Variants in SLC5A3 observed in about 807,000 individuals in gnomAD.
The protein encoded by SLC5A3 is sodium/myo-inositol cotransporter.
Under a neutral mutation model 43.2 loss-of-function variants are expected in SLC5A3, and 10 were observed. That is an observed-to-expected ratio of 0.23 (90% CI 0.14 to 0.39). SLC5A3 has a LOEUF of 0.39. Among genes scored for constraint, SLC5A3 ranks in the 10% least tolerant of loss-of-function variants. The pLI is 1.00. For missense variants in SLC5A3, 608 were observed against 893.4 expected (o/e 0.68, Z 4.07); for synonymous variants, 349 against 322.0 (o/e 1.08, Z -0.90).
rs1979429942 is a variant in SLC5A3 at position 34,105,334 on chromosome 21, C to A, written c.*7979C>A. ...TTTTTCTTTTTGATAAGATGGATAT[C>A]AAAAATAGTTGCTGTGCAAAAGTTA... On this transcript the variant is annotated 3_prime_UTR_variant, in exon 2 of 2. Coordinates refer to ENST00000381151, the MANE Select transcript of SLC5A3 (RefSeq NM_006933.7). 1 of 999,560 alleles carries A rather than the reference C, an allele frequency of 1.0e-6. No homozygotes were observed. Among genetic ancestry groups the A allele is most frequent in the Non-Finnish European group, 1.2e-6 (1 of 829,500 alleles). The allele number at this position is 999,560 out of a possible 1,614,324, so 61.9% of individuals were successfully genotyped here.
Position 34,105,599 on chromosome 21 carries a change from G to A in SLC5A3, c.*8244G>A, listed in dbSNP as rs1979441471. On this transcript the variant is annotated 3_prime_UTR_variant, in exon 2 of 2. Transcript: ENST00000381151. ...TGTAAGAGACCAGTTAGTACACTGG[G>A]GGTGTATATTGTGTACATGTGTCAT... 3.0e-6 allele frequency: 3 copies of A among 999,800 alleles called. No individual in the cohort carries two copies. The highest frequency in any genetic ancestry group is 6.1e-5 in the Admixed American group (1 of 16,262). 61.9% of individuals were successfully genotyped at this position (999,800 alleles called of 1,614,324 possible). A position where few individuals can be genotyped will look rare whatever the true frequency, so the allele number is the denominator to read the frequency against.
Position 34,095,484 on chromosome 21 carries a change from G to C in SLC5A3, c.286G>C (p.Val96Leu), listed in dbSNP as rs1978925346. Residue 96 changes from valine to leucine, a missense_variant, in exon 2 of 2, where the codon GTT becomes CTT. This residue lies in a region of SLC5A3 where 398 missense variants were observed against 668.6 expected (regional missense o/e 0.60). Transcript: ENST00000381151. ...ALLLLQLLGW[V>L]FIPIYIRSGV... Reference sequence around the variant, plus strand: ...ACTGCTTTTACAACTTCTGGGATGGGTTTTCATCCCAATTTACATCCGGTC... The same window carrying C: ...ACTGCTTTTACAACTTCTGGGATGGCTTTTCATCCCAATTTACATCCGGTC... The C allele has an allele frequency of 6.2e-7, 1 of 1,613,902 alleles. No individual in the cohort carries two copies. Among genetic ancestry groups the C allele is most frequent in the African/African-American group, 1.3e-5 (1 of 74,866 alleles).
At chr21:34,078,406 G>A (rs2148651987) in intron 1 of SLC5A3, among the ~76,000 whole-genome samples, 1 of 152,208 alleles carries the variant, frequency 6.6e-6, no homozygotes, top group Non-Finnish European at 1.5e-5. Context: ...ATGGCTTGGG[G>A]GTAAGGAGTC....
At chr21:34,083,921 C>T (rs1165214669) in intron 1 of SLC5A3, among the ~76,000 whole-genome samples, 3 of 152,226 alleles carry the variant, frequency 2.0e-5, no homozygotes, top group African/African-American at 7.2e-5. Flanking sequence ...ATCTGGCATA[C>T]AAAGAAAACA....
In SLC5A3 at chr21:34,095,138, A is replaced by G. The variant is rs547036990; in HGVS notation, c.-61A>G. The G allele has an allele frequency of 1.5e-5, 23 of 1,530,482 alleles. No homozygotes were observed. Among genetic ancestry groups the G allele is most frequent in the Admixed American group, 2.1e-5 (1 of 47,840 alleles). The allele number at this position is 1,530,482 out of a possible 1,614,324, so 94.8% of individuals were successfully genotyped here. Reference sequence around the variant, plus strand: ...TTTACAGACTTGGCTGGGGTTACTAAAAATAAATAAAAAGTTGGACACTTC... The same window carrying G: ...TTTACAGACTTGGCTGGGGTTACTAGAAATAAATAAAAAGTTGGACACTTC... On this transcript the variant is annotated 5_prime_UTR_variant, in exon 2 of 2. It removes the in-frame stop codon of an upstream open reading frame in the 5' UTR. Transcript: ENST00000381151.
chr21:34,096,788 C>T lies in SLC5A3; in HGVS notation c.1590C>T (p.Ser530=). The T allele has an allele frequency of 6.2e-7, 1 of 1,613,960 alleles. No individual in the cohort carries two copies. The highest frequency in any genetic ancestry group is 8.5e-7 in the Non-Finnish European group (1 of 1,179,914). ...WVTGLITVIV[S]LLTPPPTKEQ... is the part of the protein sequence containing the mutation. ...CGGGACTCATTACTGTAATTGTGAG[C>T]CTTCTCACACCACCTCCCACAAAGG... Residue 530 remains serine, a synonymous_variant, in exon 2 of 2, where the codon AGC becomes AGT. Transcript: ENST00000381151. This position sits in a 1 kb window ranked among gnomAD's most constrained non-coding sequence, Gnocchi z 5.9.
chr21:34,074,072 C>T (rs1989259495), intron 1 of SLC5A3, among the ~76,000 whole-genome samples: 1 of 145,388 alleles, frequency 6.9e-6, no homozygotes, highest in Non-Finnish European at 1.5e-5. Flanking sequence ...CGCGGGAGTC[C>T]AGTGGAAGGT....
chr21:34,085,263 T>C (rs1240134686), intron 1 of SLC5A3, among the ~76,000 whole-genome samples: 1 of 152,170 alleles, frequency 6.6e-6, no homozygotes, highest in Non-Finnish European at 1.5e-5. Flanking sequence ...TTGACTGTAG[T>C]TGCGTTTTCA....
chr21:34,074,137 C>G (rs1234262348), intron 1 of SLC5A3, among the ~76,000 whole-genome samples: 1 of 148,872 alleles, frequency 6.7e-6, no homozygotes, highest in Non-Finnish European at 1.5e-5. Flanking sequence ...CCCCGCCAGT[C>G]GTGAAGCTGC....
In SLC5A3 at chr21:34,103,562, C is replaced by G. The variant is rs1202385789; in HGVS notation, c.*6207C>G. 1.0e-6 allele frequency: 1 copy of G among 999,990 alleles called. No individual in the cohort carries two copies. The highest frequency in any genetic ancestry group is 1.2e-6 in the Non-Finnish European group (1 of 829,924). 61.9% of individuals were successfully genotyped at this position (999,990 alleles called of 1,614,324 possible). On this transcript the variant is annotated 3_prime_UTR_variant, in exon 2 of 2. Transcript: ENST00000381151. ...ATATTCCATGATAGAAAGCTAAAGT[C>G]CATAGAAAGCACAAAATCGTGTTCA... is the stretch of plus-strand genomic sequence containing the variant.
In SLC5A3 at chr21:34,095,175, C is replaced by T. The variant is rs763240829; in HGVS notation, c.-24C>T. On this transcript the variant is annotated 5_prime_UTR_variant, in exon 2 of 2. Coordinates refer to ENST00000381151, the MANE Select transcript of SLC5A3 (RefSeq NM_006933.7). ...AAGTTGGACACTTCTGTCATTGGAG[C>T]GCTATTATTCACAAGTTACCAGAAT... 3.1e-5 allele frequency: 43 copies of T among 1,384,664 alleles called. No homozygotes were observed. The highest frequency in any genetic ancestry group is 3.3e-5 in the Non-Finnish European group (35 of 1,065,314). 85.8% of individuals were successfully genotyped at this position (1,384,664 alleles called of 1,614,324 possible). A position where few individuals can be genotyped will look rare whatever the true frequency, so the allele number is the denominator to read the frequency against.
In SLC5A3 at chr21:34,101,363, G is replaced by A. The variant is rs553500073; in HGVS notation, c.*4008G>A. ...TTTGATGTTAAGCATTATAAAGTAC[G>A]AAGTTTGTTACCACAGTAGAGATAA... On this transcript the variant is annotated 3_prime_UTR_variant, in exon 2 of 2. Coordinates refer to ENST00000381151, the MANE Select transcript of SLC5A3 (RefSeq NM_006933.7). 5.9e-4 allele frequency: 594 copies of A among 1,000,092 alleles called. 1 individual carries two copies. The highest frequency in any genetic ancestry group is 2.0e-3 in the Admixed American group (33 of 16,254). 62.0% of individuals were successfully genotyped at this position (1,000,092 alleles called of 1,614,324 possible).
At position 34,095,462 on chromosome 21, in the gene SLC5A3, G is replaced by C; in HGVS notation, c.264G>C (p.Leu88=). ...GCGCATGGGAATTCAATGCCTTACT[G>C]CTTTTACAACTTCTGGGATGGGTTT... The part of the protein sequence containing the change: ...AVGAWEFNAL[L]LLQLLGWVFI... The change falls in exon 2 of 2, where the codon CTG becomes CTC. Residue 88 remains leucine (L), a synonymous_variant. Transcript: ENST00000381151. 1 of 1,614,094 alleles carries C rather than the reference G, an allele frequency of 6.2e-7. No individual in the cohort carries two copies. Among genetic ancestry groups the C allele is most frequent in the African/African-American group, 1.3e-5 (1 of 75,028 alleles).
chr21:34,075,780 G>T (rs1421423443), intron 1 of SLC5A3, among the ~76,000 whole-genome samples: 1 of 152,174 alleles, frequency 6.6e-6, no homozygotes, highest in Non-Finnish European at 1.5e-5. Context: ...AAGACTTCCA[G>T]GTTTTAGACC....
At position 34,096,034 on chromosome 21, in the gene SLC5A3, A is replaced by AC. The variant is rs1395680619; in HGVS notation, c.838dup (p.Gln280ProfsTer47). On this transcript the variant is annotated frameshift_variant, in exon 2 of 2. Transcript: ENST00000381151. LOFTEE classifies it high-confidence loss of function. The surrounding 1 kb of genome is among the most constrained non-coding windows in gnomAD (Gnocchi z 5.9). Reference sequence around the variant, plus strand: ...GCTTCAGTATGGTACTGGTGTGCTGACCAAGTCATCGTGCAGAGGGTCCTT... The same window carrying AC: ...GCTTCAGTATGGTACTGGTGTGCTGACCCAAGTCATCGTGCAGAGGGTCCTT... 6.2e-7 allele frequency: 1 copy of AC among 1,614,138 alleles called. No individual in the cohort carries two copies. Among genetic ancestry groups the AC allele is most frequent in the Non-Finnish European group, 8.5e-7 (1 of 1,179,994 alleles).
At chr21:34,075,227 C>T (rs915751613) in intron 1 of SLC5A3, among the ~76,000 whole-genome samples, 2 of 152,096 alleles carry the variant, frequency 1.3e-5, no homozygotes, top group Non-Finnish European at 2.9e-5. Flanking sequence ...GTTTACTTTC[C>T]TTGTCTTGGG....
intron 1 of SLC5A3, among the ~76,000 whole-genome samples, chr21:34,078,926 G>A (rs776670217): frequency 2.6e-5 from 4 of 152,106 alleles, no homozygotes; most frequent in Admixed American, 6.5e-5. Context: ...TTTTTAAGAC[G>A]TGTTATCAAC....
chr21:34,102,232 T>G lies in SLC5A3; in HGVS notation c.*4877T>G, dbSNP rs1011169585. 95 of 999,688 alleles carry G rather than the reference T, an allele frequency of 9.5e-5. 1 individual carries two copies. Among genetic ancestry groups the G allele is most frequent in the Non-Finnish European group, 1.1e-4 (91 of 829,752 alleles). 61.9% of individuals were successfully genotyped at this position (999,688 alleles called of 1,614,324 possible). A position where few individuals can be genotyped will look rare whatever the true frequency, so the allele number is the denominator to read the frequency against. On this transcript the variant is annotated 3_prime_UTR_variant, in exon 2 of 2. Transcript: ENST00000381151. Reference sequence around the variant, plus strand: ...TAAGGTTCAAAGTAATTAACTGGCTTTGCCAGTGGTGAGTCCCACACCATT... The same window carrying G: ...TAAGGTTCAAAGTAATTAACTGGCTGTGCCAGTGGTGAGTCCCACACCATT...
intron 1 of SLC5A3, among the ~76,000 whole-genome samples, chr21:34,075,718 C>T (rs1989314278): frequency 1.3e-5 from 2 of 152,178 alleles, no homozygotes; most frequent in African/African-American, 2.4e-5. Context: ...AATAGCTTCT[C>T]AGTTATTTGT....
Sources: gnomAD v4.1 joint callset for allele counts (sites outside exome capture counted in the v4.1 genomes callset) on GRCh38, gnomAD v4.1.1 for gene constraint, gnomAD v4.1.1 regional missense constraint, Gnocchi (gnomAD v3.1) non-coding constraint, MANE v1.5 for transcripts, NCBI Gene and HGNC (gene_info 2026-07-23, HGNC 2026-07-21) for gene names.